MTERF4: variants seen among roughly 807,000 people sequenced by gnomAD.
MTERF4 encodes the protein mitochondrial transcription termination factor 4.
Under a neutral mutation model 22.5 loss-of-function variants are expected in MTERF4, and 17 were observed. The ratio of observed to expected loss-of-function variants is 0.75; its 90% CI spans 0.52 to 1.13. The LOEUF is 1.13. MTERF4 is among the 50% of genes most tolerant of loss of function. The probability of loss-of-function intolerance (pLI) is 0.00; values close to 1 mark genes in which losing one functional copy is unlikely to be tolerated. For missense variants in MTERF4, 420 were observed against 466.8 expected (o/e 0.90, Z 0.92); for synonymous variants, 165 against 175.3 (o/e 0.94, Z 0.47).
the MTERF4 span, chr2:241,062,982 C>A: frequency 1.1e-6 from 1 of 933,978 alleles, no homozygotes; most frequent in Non-Finnish European, 1.6e-6. Context: ...GTCCCCCGGA[C>A]AGGTCTCTGT....
At chr2:241,048,935 T>C in the MTERF4 span, 1 of 1,307,214 alleles carries the variant, frequency 7.6e-7, no homozygotes, top group Non-Finnish European at 1.1e-6. Context: ...GGCCACTGGG[T>C]CTTGGGAGGC....
the MTERF4 span, among the ~76,000 whole-genome samples, chr2:241,059,632 T>TA: frequency 0.032 from 4,872 of 152,354 alleles, 367 homozygotes; most frequent in East Asian, 0.21. Context: ...GTCTAACTTT[T>TA]AATGTCAATC....
Position 241,096,049 on chromosome 2 carries a change from G to T in MTERF4, c.1095C>A (p.Asp365Glu), listed in dbSNP as rs759919818. ...DNDEDDDDEDDDEAEDNDEDE... is the reference protein window; with the variant it reads ...DNDEDDDDEDEDEAEDNDEDE... ...CCTCATCATTGTCCTCCGCCTCGTC[G>T]TCGTCCTCATCATCGTCATCCTCAT... The change falls in exon 4 of 4, where the codon GAC (aspartate) becomes GAA (glutamate). Residue 365 changes from aspartate (D) to glutamate (E), a missense_variant. Coordinates refer to ENST00000391980, the MANE Select transcript of MTERF4 (RefSeq NM_182501.4). This position sits in a 1 kb window ranked among gnomAD's most constrained non-coding sequence, Gnocchi z 5.1. The T allele has an allele frequency of 6.2e-7, 1 of 1,613,488 alleles. No homozygotes were observed. The highest frequency in any genetic ancestry group is 8.5e-7 in the Non-Finnish European group (1 of 1,179,714).
chr2:241,048,393 A>T, the MTERF4 span: 2 of 1,611,956 alleles, frequency 1.2e-6, no homozygotes, highest in Non-Finnish European at 1.7e-6. Flanking sequence ...GACCAGGGCT[A>T]CGTGTGCGAG....
chr2:241,057,412 T>TATATATATATATGC, the MTERF4 span, among the ~76,000 whole-genome samples: 30 of 129,376 alleles, frequency 2.3e-4, no homozygotes, highest in African/African-American at 8.3e-4. Context: ...TATATATATA[T>TATATATATATATGC]GCCATACGCA....
downstream of MTERF4, chr2:241,094,333 A>G (rs1476776793): frequency 6.4e-6 from 3 of 470,410 alleles, no homozygotes; most frequent in Non-Finnish European, 1.3e-5. This position sits in a 1 kb window ranked among gnomAD's most constrained non-coding sequence, Gnocchi z 4.3. Context: ...TGCCACTGCC[A>G]TCTGACTCAA....
At chr2:241,084,367 T>A (rs1216977403), downstream of MTERF4, among the ~76,000 whole-genome samples, 1 of 152,124 alleles carries the variant, frequency 6.6e-6, no homozygotes, top group Non-Finnish European at 1.5e-5. Context: ...TTGGCCAGGC[T>A]GGTCTCAAAC....
At chr2:241,047,601 T>C in the MTERF4 span, among the ~76,000 whole-genome samples, 1 of 152,228 alleles carries the variant, frequency 6.6e-6, no homozygotes, top group Non-Finnish European at 1.5e-5. Flanking sequence ...TTTCTGACCA[T>C]AGCAAAATTA....
At chr2:241,051,687 G>A in the MTERF4 span, 24 of 1,330,144 alleles carry the variant, frequency 1.8e-5, no homozygotes, top group Admixed American at 2.8e-5. This position sits in a 1 kb window ranked among gnomAD's most constrained non-coding sequence, Gnocchi z 4.7. Context: ...GGGTATAGTG[G>A]CTCTGTGGGG....
downstream of MTERF4, chr2:241,069,866 G>A: frequency 1.3e-6 from 2 of 1,576,382 alleles, no homozygotes; most frequent in Non-Finnish European, 1.7e-6. The surrounding 1 kb of genome is among the most constrained non-coding windows in gnomAD (Gnocchi z 4.9). Flanking sequence ...CCGTGTTCTT[G>A]CCAGAAGACC....
the MTERF4 span, chr2:241,052,124 C>T: frequency 1.2e-6 from 2 of 1,613,800 alleles, no homozygotes; most frequent in African/African-American, 1.3e-5. Context: ...GTGTGACTGT[C>T]CCCCAGGCTT....
downstream of MTERF4, among the ~76,000 whole-genome samples, chr2:241,068,400 C>T (rs75272679): frequency 3.3e-5 from 5 of 151,798 alleles, no homozygotes; most frequent in East Asian, 9.7e-4. The surrounding 1 kb of genome is among the most constrained non-coding windows in gnomAD (Gnocchi z 5.3). Context: ...ACAGTGGACC[C>T]CTGTGATTTG....
At chr2:241,074,560 TCAG>T (rs1179763666) in exon 5 of MTERF4, 1 of 152,194 alleles carries the variant, frequency 6.6e-6, no homozygotes, top group Non-Finnish European at 1.5e-5. Context: ...CTGGGTCTCT[TCAG>T]CAGGAGAGAT....
chr2:241,087,167 G>T (rs1262856425), downstream of MTERF4: 2 of 507,382 alleles, frequency 3.9e-6, no homozygotes, highest in Non-Finnish European at 3.5e-6. Flanking sequence ...ATTAAAATGG[G>T]TTTATTTTAT....
chr2:241,085,006 G>A (rs1184259683), downstream of MTERF4, among the ~76,000 whole-genome samples: 1 of 151,418 alleles, frequency 6.6e-6, no homozygotes, highest in Non-Finnish European at 1.5e-5. Context: ...TCTTACCTGT[G>A]TTACACTGTA....
the MTERF4 span, among the ~76,000 whole-genome samples, chr2:241,047,614 CTA>C: frequency 6.6e-6 from 1 of 152,220 alleles, no homozygotes; most frequent in Non-Finnish European, 1.5e-5. Flanking sequence ...CAAAATTAAA[CTA>C]GAGATCAGCA....
At chr2:241,066,576 G>A in the MTERF4 span, among the ~76,000 whole-genome samples, 4 of 151,524 alleles carry the variant, frequency 2.6e-5, no homozygotes, top group African/African-American at 7.3e-5. Context: ...CTAGAGGCTC[G>A]AGGAAAGAGG....
At chr2:241,092,288 G>A (rs896022579), downstream of MTERF4, 1 of 152,210 alleles carries the variant, frequency 6.6e-6, no homozygotes, top group Non-Finnish European at 1.5e-5. This position sits in a 1 kb window ranked among gnomAD's most constrained non-coding sequence, Gnocchi z 4.6. Context: ...GCGACTGGCA[G>A]CCTTTCTCTA....
chr2:241,042,989 G>A, the MTERF4 span, among the ~76,000 whole-genome samples: 1 of 151,998 alleles, frequency 6.6e-6, no homozygotes, highest in Non-Finnish European at 1.5e-5. Context: ...ACAGTATCAA[G>A]CAGCCTGGGA....
Sources: gnomAD v4.1 joint callset for allele counts (sites outside exome capture counted in the v4.1 genomes callset) on GRCh38, gnomAD v4.1.1 for gene constraint, Gnocchi (gnomAD v3.1) non-coding constraint, MANE v1.5 for transcripts, NCBI Gene and HGNC (gene_info 2026-07-23, HGNC 2026-07-21) for gene names.